Variants in EDNRA observed in about 807,000 individuals in gnomAD.
EDNRA encodes endothelin receptor type A.
In EDNRA, 11 loss-of-function variants were observed where a neutral mutation model predicts 41.4. The ratio of observed to expected loss-of-function variants is 0.27; its 90% CI spans 0.17 to 0.44. The LOEUF (loss-of-function observed/expected upper bound fraction) is 0.44, where lower values mean the gene tolerates loss of function less well. Among genes scored for constraint, EDNRA ranks in the 20% least tolerant of loss-of-function variants. The probability of loss-of-function intolerance (pLI) is 1.00; values close to 1 mark genes in which losing one functional copy is unlikely to be tolerated. For missense variants in EDNRA, 294 were observed against 531.0 expected, an observed-to-expected ratio of 0.55 and a Z score of 4.39; for synonymous variants, 172 against 183.0, an observed-to-expected ratio of 0.94 and a Z score of 0.49.
chr4:147,499,723 G>A (rs1408262800), intron 2 of EDNRA, among the ~76,000 whole-genome samples: 5 of 150,636 alleles, frequency 3.3e-5, no homozygotes, highest in Admixed American at 6.6e-5. Context: ...AAAGAAAAAG[G>A]AAAAGGAGAT....
At position 147,486,817 on chromosome 4, in the gene EDNRA, A is replaced by G. The variant is rs2126372793; in HGVS notation, c.420+716A>G. Among the ~76,000 whole-genome samples, 1 of 152,260 alleles carries G rather than the reference A, an allele frequency of 6.6e-6. No individual in the cohort carries two copies. The highest frequency in any genetic ancestry group is 6.5e-5 in the Admixed American group (1 of 15,296). ...CTAGGCAGTAAGGAACCAAAAAGAA[A>G]CACAACAAAGTCAGTGCCTCAGTGT... is the stretch of plus-strand genomic sequence containing the variant. On this transcript the variant is annotated intron_variant, in intron 2 of 7. Coordinates refer to ENST00000651419, the MANE Select transcript of EDNRA (RefSeq NM_001957.4). This position sits in a 1 kb window ranked among gnomAD's most constrained non-coding sequence, Gnocchi z 4.3.
Position 147,544,274 on chromosome 4 carries a change from C to T in EDNRA, c.*1656C>T, listed in dbSNP as rs10305937. 0.015 allele frequency: 2,271 copies of T among 153,328 alleles called. 29 individuals are homozygous for T. The highest frequency in any genetic ancestry group is 0.025 in the Non-Finnish European group (1,668 of 68,018). 9.5% of individuals were successfully genotyped at this position (153,328 alleles called of 1,614,324 possible). On this transcript the variant is annotated 3_prime_UTR_variant, in exon 8 of 8. Transcript: ENST00000651419. ...ACCATTACAAATGGGATATAAGAGG[C>T]AGCGTGAAAGCAGATGAGCTGTGGA...
At chr4:147,497,162 TTTTTTTTTTTTTTG>T (rs1330946084) in intron 2 of EDNRA, among the ~76,000 whole-genome samples, 15 of 144,852 alleles carry the variant, frequency 1.0e-4, no homozygotes, top group African/African-American at 2.8e-4. Context: ...TTTTTTTTTT[TTTTTTTTTTTTTTG>T]TTTAGAGATG....
chr4:147,502,648 C>A (rs1053278669), intron 2 of EDNRA, among the ~76,000 whole-genome samples: 1 of 152,124 alleles, frequency 6.6e-6, no homozygotes, highest in Non-Finnish European at 1.5e-5. Flanking sequence ...TGACACAGAT[C>A]AGAATGAAAA....
chr4:147,489,814 A>G (rs971781679), intron 2 of EDNRA: 2 of 152,116 alleles, frequency 1.3e-5, no homozygotes, highest in African/African-American at 2.4e-5. Flanking sequence ...CACTGCTTCT[A>G]AAAAAGCACC....
intron 4 of EDNRA, among the ~76,000 whole-genome samples, chr4:147,534,899 T>C (rs1198051906): frequency 6.6e-6 from 1 of 152,340 alleles, no homozygotes; most frequent in South Asian, 2.1e-4. Flanking sequence ...CCAAATTTTT[T>C]GTCTTTAGGA....
rs1463012217 is a variant in EDNRA, at chr4:147,486,240, T to C, written c.420+139T>C. The C allele has an allele frequency of 1.5e-5, 14 of 933,326 alleles. No homozygotes were observed. The highest frequency in any genetic ancestry group is 2.2e-5 in the Non-Finnish European group (14 of 642,646). 57.8% of individuals were successfully genotyped at this position (933,326 alleles called of 1,614,324 possible). A position where few individuals can be genotyped will look rare whatever the true frequency, so the allele number is the denominator to read the frequency against. ...GCTATTTCTGCTGTCTTCTAACTAC[T>C]AGTTTTAAGATTTACAAATTTTATT... On this transcript the variant is annotated intron_variant, in intron 2 of 7. Coordinates refer to ENST00000651419, the MANE Select transcript of EDNRA (RefSeq NM_001957.4). This position sits in a 1 kb window ranked among gnomAD's most constrained non-coding sequence, Gnocchi z 4.3.
chr4:147,510,806 G>C (rs752697489), intron 2 of EDNRA, among the ~76,000 whole-genome samples: 1 of 152,104 alleles, frequency 6.6e-6, no homozygotes, highest in East Asian at 1.9e-4. Flanking sequence ...ACTCTTTCAC[G>C]GGAAGAATGA....
At chr4:147,524,724 T>A (rs1730470493) in intron 3 of EDNRA, among the ~76,000 whole-genome samples, 2 of 152,184 alleles carry the variant, frequency 1.3e-5, no homozygotes, top group Admixed American at 1.3e-4. Flanking sequence ...TTACTATTTT[T>A]ACATTTCATT....
In EDNRA at chr4:147,486,198, C is replaced by G; in HGVS notation, c.420+97C>G. ...ACTTTTCTGACCTTTGGAATTTTAT[C>G]TGTGTTTTTACTGAGAGCTATTTCT... On this transcript the variant is annotated intron_variant, in intron 2 of 7. Coordinates refer to ENST00000651419, the MANE Select transcript of EDNRA (RefSeq NM_001957.4). The surrounding 1 kb of genome is among the most constrained non-coding windows in gnomAD (Gnocchi z 4.3). 1 of 1,373,492 alleles carries G rather than the reference C, an allele frequency of 7.3e-7. No individual in the cohort carries two copies. The highest frequency in any genetic ancestry group is 9.8e-7 in the Non-Finnish European group (1 of 1,022,342). The allele number at this position is 1,373,492 out of a possible 1,614,324, so 85.1% of individuals were successfully genotyped here.
intron 2 of EDNRA, among the ~76,000 whole-genome samples, chr4:147,514,372 C>T (rs1466297090): frequency 6.6e-6 from 1 of 152,170 alleles, no homozygotes; most frequent in Non-Finnish European, 1.5e-5. Flanking sequence ...TGTTATTGTA[C>T]TGTGACTTTA....
chr4:147,507,591 C>T (rs1040680491), intron 2 of EDNRA, among the ~76,000 whole-genome samples: 5 of 152,068 alleles, frequency 3.3e-5, no homozygotes, highest in African/African-American at 1.2e-4. Flanking sequence ...GGGATCCTTG[C>T]GGTGATAAAC....
At position 147,542,627 on chromosome 4, in the gene EDNRA, A is replaced by AG; in HGVS notation, c.*10dup. 6.2e-7 allele frequency: 1 copy of AG among 1,613,728 alleles called. No homozygotes were observed. The highest frequency in any genetic ancestry group is 1.1e-5 in the South Asian group (1 of 91,036). Reference sequence around the variant, plus strand: ...AGGACAGCATGAACTGACCACCCTTAGAAGCACTCCTCGGTACTCCCATAA... The same window carrying AG: ...AGGACAGCATGAACTGACCACCCTTAGGAAGCACTCCTCGGTACTCCCATAA... On this transcript the variant is annotated 3_prime_UTR_variant, in exon 8 of 8. Transcript: ENST00000651419.
rs115622542 is a variant in EDNRA, at chr4:147,503,030, A to G, written c.421-16821A>G. On this transcript the variant is annotated intron_variant, in intron 2 of 7. Transcript: ENST00000651419. ...AAACAATGGCTTTCCAGTAAATAAAATAATATTTTTACATTTTCTTTTGTT... is the reference window on the plus strand; with the variant it reads ...AAACAATGGCTTTCCAGTAAATAAAGTAATATTTTTACATTTTCTTTTGTT... Among the ~76,000 whole-genome samples the G allele has an allele frequency of 9.4e-3, 1,425 of 152,278 alleles. 18 individuals are homozygous for G. Among genetic ancestry groups the G allele is most frequent in the African/African-American group, 0.032 (1,346 of 41,562 alleles).
At chr4:147,524,754 C>T (rs1249100850) in intron 3 of EDNRA, among the ~76,000 whole-genome samples, 1 of 152,108 alleles carries the variant, frequency 6.6e-6, no homozygotes, top group Non-Finnish European at 1.5e-5. Flanking sequence ...CCCTAAGCTT[C>T]AGGACTTGTA....
Position 147,507,875 on chromosome 4 carries a change from T to C in EDNRA, c.421-11976T>C, listed in dbSNP as rs536098034. Among the ~76,000 whole-genome samples, 25 of 152,360 alleles carry C rather than the reference T, an allele frequency of 1.6e-4. No homozygotes were observed. In the South Asian group the frequency reaches 4.4e-3, roughly 27 times the overall value. Reference sequence around the variant, plus strand: ...GTGTATAGTGGTATCCCGTGGTGGTTTTAACTAGCATTTCCTTAATGGCTA... The same window carrying C: ...GTGTATAGTGGTATCCCGTGGTGGTCTTAACTAGCATTTCCTTAATGGCTA... On this transcript the variant is annotated intron_variant, in intron 2 of 7. Transcript: ENST00000651419.
chr4:147,497,186 G>T (rs1384653990), intron 2 of EDNRA, among the ~76,000 whole-genome samples: 2 of 109,838 alleles, frequency 1.8e-5, no homozygotes, highest in African/African-American at 6.4e-5. Flanking sequence ...GTTTAGAGAT[G>T]GGGTCTTGCT....
chr4:147,520,425 T>C (rs1371172010), intron 3 of EDNRA: 1 of 519,160 alleles, frequency 1.9e-6, no homozygotes, highest in South Asian at 1.4e-5. Flanking sequence ...TTTGAAAGAC[T>C]GAAATGTTTC....
rs375786067 is a variant in EDNRA, at chr4:147,523,491, T to TTTG, written c.548+3515_548+3516insGTT. On this transcript the variant is annotated intron_variant, in intron 3 of 7. Coordinates refer to ENST00000651419, the MANE Select transcript of EDNRA (RefSeq NM_001957.4). ...TTTTTGTTGTTGTTGTTTTTTTGTT[T>TTTG]TTTTTGTTTTTTTTTTTGAGATGGA... Among the ~76,000 whole-genome samples the TTTG allele has an allele frequency of 5.9e-3, 804 of 135,666 alleles. 16 individuals carry two copies. Among genetic ancestry groups the TTTG allele is most frequent in the African/African-American group, 0.022 (663 of 29,596 alleles). 89.0% of individuals were successfully genotyped at this position (135,666 alleles called of 152,430 possible).
Sources: allele counts gnomAD v4.1 joint callset (sites outside exome capture counted in the v4.1 genomes callset), GRCh38; gene constraint gnomAD v4.1.1; non-coding constraint Gnocchi (gnomAD v3.1); transcripts MANE v1.5; gene names NCBI Gene and HGNC (gene_info 2026-07-23, HGNC 2026-07-21).